SLC16A9: variants seen among roughly 807,000 people sequenced by gnomAD.
SLC16A9 encodes solute carrier family 16 member 9.
SLC16A9 carries 26 observed loss-of-function variants against 44.3 expected under a neutral mutation model. The observed-to-expected ratio is 0.59, with a 90% CI of 0.43 to 0.81. The LOEUF (loss-of-function observed/expected upper bound fraction) is 0.81. SLC16A9 is among the 40% of genes least tolerant of loss of function. The pLI is 0.00. For missense variants in SLC16A9, 559 were observed against 595.8 expected (o/e 0.94, Z 0.64); for synonymous variants, 230 against 225.1 (o/e 1.02, Z -0.19).
At chr10:59,664,908 G>A (rs11006670) in intron 3 of SLC16A9, among the ~76,000 whole-genome samples, 1 of 152,032 alleles carries the variant, frequency 6.6e-6, no homozygotes, top group Non-Finnish European at 1.5e-5. Context: ...GAAGTAAAAT[G>A]TAGTAATGTC....
At chr10:59,709,900 G>C (rs1164140659), upstream of SLC16A9, 1 of 153,320 alleles carries the variant, frequency 6.5e-6, no homozygotes, top group African/African-American at 2.4e-5. Flanking sequence ...AGGAGGAGGC[G>C]GAGGAGATGG....
intron 1 of SLC16A9, among the ~76,000 whole-genome samples, chr10:59,692,722 A>G (rs1376878104): frequency 1.3e-5 from 2 of 152,212 alleles, no homozygotes; most frequent in Non-Finnish European, 2.9e-5. Flanking sequence ...CCCTCAAACA[A>G]TGACTTTTGT....
chr10:59,663,098 G>A (rs544500650), intron 4 of SLC16A9, among the ~76,000 whole-genome samples: 1 of 152,186 alleles, frequency 6.6e-6, no homozygotes, highest in East Asian at 1.9e-4. Context: ...GGTGGCTCAC[G>A]CCTGTAATCC....
At chr10:59,674,902 A>G (rs1029045154) in intron 2 of SLC16A9, among the ~76,000 whole-genome samples, 6 of 152,220 alleles carry the variant, frequency 3.9e-5, no homozygotes, top group African/African-American at 1.4e-4. Context: ...ATGTACAACC[A>G]AAGCCACTGC....
chr10:59,665,714 A>C (rs1031839068), intron 3 of SLC16A9, among the ~76,000 whole-genome samples: 1 of 152,212 alleles, frequency 6.6e-6, no homozygotes, highest in South Asian at 2.1e-4. Context: ...CTATTTCTGA[A>C]AGCCTTTGGA....
chr10:59,662,712 TCACTGGTCATTAGAGAA>T (rs1213699117), intron 4 of SLC16A9, among the ~76,000 whole-genome samples: 1 of 147,022 alleles, frequency 6.8e-6, no homozygotes, highest in Non-Finnish European at 1.5e-5. Context: ...AAACTCATCA[TCACTGGTCATTAGAGAA>T]ATGCAAATCA....
At chr10:59,694,608 C>T (rs184984837) in intron 1 of SLC16A9, among the ~76,000 whole-genome samples, 1 of 151,344 alleles carries the variant, frequency 6.6e-6, no homozygotes, top group East Asian at 1.9e-4. Flanking sequence ...TAAGACCAGC[C>T]TGGCCAACAT....
chr10:59,673,013 C>T, intron 2 of SLC16A9, 100 bp from the exon 3 acceptor site: 1 of 1,156,040 alleles, frequency 8.7e-7, no homozygotes. Context: ...ATAAAATGCA[C>T]TGAGTATTTA....
intron 4 of SLC16A9, among the ~76,000 whole-genome samples, chr10:59,661,357 T>A (rs1839471089): frequency 6.6e-6 from 1 of 151,882 alleles, no homozygotes; most frequent in African/African-American, 2.4e-5. Context: ...TATACACCAA[T>A]AATAGACAGA....
At position 59,654,564 on chromosome 10, in the gene SLC16A9, A is replaced by G. The variant is rs1374702175; in HGVS notation, c.462T>C (p.Tyr154=). The change falls in exon 5 of 6, where the codon TAT becomes TAC. Residue 154 remains tyrosine, a synonymous_variant. Coordinates refer to ENST00000395348, the MANE Select transcript of SLC16A9 (RefSeq NM_194298.3). ...CAACCAGCATCCTCTGCAGAGCAGC[A>G]TATATGAAAAGGCCAACGCTTGAAC... The part of the protein sequence containing the change: ...STGSSVGLFI[Y]AALQRMLVEF... 6.3e-7 allele frequency: 1 copy of G among 1,592,766 alleles called. No homozygotes were observed.
At chr10:59,707,375 C>T (rs1005462127) in intron 1 of SLC16A9, among the ~76,000 whole-genome samples, 27 of 147,990 alleles carry the variant, frequency 1.8e-4, no homozygotes, top group African/African-American at 6.3e-4. Flanking sequence ...AGACTTGAAT[C>T]TAAAATTGTT....
chr10:59,677,801 G>A (rs1588976997), intron 2 of SLC16A9, among the ~76,000 whole-genome samples: 1 of 151,806 alleles, frequency 6.6e-6, no homozygotes, highest in Non-Finnish European at 1.5e-5. Flanking sequence ...GGATAGTTTT[G>A]GGAATGAAAT....
In SLC16A9 at chr10:59,654,418, G is replaced by A. The variant is rs56370926; in HGVS notation, c.608C>T (p.Ala203Val). The change falls in exon 5 of 6, where the codon GCT (alanine) becomes GTT (valine). Residue 203 changes from alanine to valine, a missense_variant. Coordinates refer to ENST00000395348, the MANE Select transcript of SLC16A9 (RefSeq NM_194298.3). ...GTATTTATCTGGTAGATCTTCTGGA[G>A]CTATTTTTTTAGGCAAAGGACAATC... ...SSDCPLPKKI[A>V]PEDLPDKYSI... The A allele has an allele frequency of 0.044, 71,414 of 1,613,512 alleles. 1,818 individuals carry two copies. Among genetic ancestry groups the A allele is most frequent in the South Asian group, 0.07 (6,393 of 91,070 alleles).
intron 1 of SLC16A9, among the ~76,000 whole-genome samples, chr10:59,705,480 G>A (rs1263224186): frequency 1.3e-5 from 2 of 152,024 alleles, no homozygotes; most frequent in Non-Finnish European, 1.5e-5. Context: ...GATAACATAA[G>A]GCTATGTGGC....
At chr10:59,698,822 C>T (rs1588997148) in intron 1 of SLC16A9, among the ~76,000 whole-genome samples, 1 of 151,998 alleles carries the variant, frequency 6.6e-6, no homozygotes, top group East Asian at 1.9e-4. Flanking sequence ...ATTGCAACCT[C>T]CACCTCCCGG....
rs778066187 is a variant in SLC16A9, at chr10:59,653,924, A to G, written c.1102T>C (p.Trp368Arg). The change falls in exon 5 of 6, where the codon TGG (tryptophan) becomes CGG (arginine). Residue 368 changes from tryptophan to arginine, a missense_variant. Coordinates refer to ENST00000395348, the MANE Select transcript of SLC16A9 (RefSeq NM_194298.3). Reference sequence around the variant, plus strand: ...ACATAAAGATACAAGGTATTAATCCACTTGAAGTCAGCCAGTATCCCTAAA... The same window carrying G: ...ACATAAAGATACAAGGTATTAATCCGCTTGAAGTCAGCCAGTATCCCTAAA... ...LLLGILADFK[W>R]INTLYLYVAT... 1 of 1,614,138 alleles carries G rather than the reference A, an allele frequency of 6.2e-7. No individual in the cohort carries two copies. The highest frequency in any genetic ancestry group is 1.1e-5 in the South Asian group (1 of 91,088).
chr10:59,704,790 A>G (rs931907333), intron 1 of SLC16A9, among the ~76,000 whole-genome samples: 2 of 152,240 alleles, frequency 1.3e-5, no homozygotes, highest in Non-Finnish European at 2.9e-5. Flanking sequence ...GAAGAAATCT[A>G]TGATAATAAC....
intron 4 of SLC16A9, among the ~76,000 whole-genome samples, 196 bp downstream of exon 4, chr10:59,664,031 T>TAAAA (rs71467073): frequency 8.2e-6 from 1 of 122,552 alleles, no homozygotes; most frequent in Non-Finnish European, 1.7e-5. Flanking sequence ...ATGTAAAATG[T>TAAAA]AAAAAAAAAA....
At chr10:59,679,170 A>G (rs944051135) in intron 2 of SLC16A9, among the ~76,000 whole-genome samples, 1 of 99,644 alleles carries the variant, frequency 1.0e-5, no homozygotes, top group African/African-American at 3.3e-5. Context: ...CTGCTGTTTC[A>G]GCACTTGGGT....
Sources: allele counts gnomAD v4.1 joint callset (sites outside exome capture counted in the v4.1 genomes callset), GRCh38; gene constraint gnomAD v4.1.1; transcripts MANE v1.5; gene names NCBI Gene and HGNC (gene_info 2026-07-23, HGNC 2026-07-21).